CD55: variants seen among roughly 807,000 people sequenced by gnomAD.
The protein encoded by CD55 is complement decay-accelerating factor.
Under a neutral mutation model 45.8 loss-of-function variants are expected in CD55, and 41 were observed. That is an observed-to-expected ratio of 0.90 (90% CI 0.70 to 1.16). The LOEUF (loss-of-function observed/expected upper bound fraction) is 1.16. Ranked by LOEUF, CD55 falls within the 50% of genes most tolerant of loss-of-function variation. CD55 has a pLI of 0.00. For missense variants in CD55, 416 were observed against 469.8 expected, an observed-to-expected ratio of 0.89 and a Z score of 1.06; for synonymous variants, 181 against 181.1, an observed-to-expected ratio of 1.00 and a Z score of 0.01.
chr1:207,334,092 T>C (rs1268246697), intron 6 of CD55, among the ~76,000 whole-genome samples: 1 of 152,060 alleles, frequency 6.6e-6, no homozygotes. Context: ...AAAACCACTT[T>C]AGCAAAAAAT....
chr1:207,339,824 CTT>C (rs1655341422), intron 9 of CD55, among the ~76,000 whole-genome samples: 1 of 152,058 alleles, frequency 6.6e-6, no homozygotes, highest in South Asian at 2.1e-4. Context: ...CCCTGATTAT[CTT>C]ATAATTTTTT....
At chr1:207,352,420 C>T (rs953386736) in intron 9 of CD55, among the ~76,000 whole-genome samples, 1 of 151,970 alleles carries the variant, frequency 6.6e-6, no homozygotes, top group Non-Finnish European at 1.5e-5. Flanking sequence ...CATCAGGTAT[C>T]ACCCCCATTG....
intron 9 of CD55, among the ~76,000 whole-genome samples, chr1:207,358,778 A>T (rs1383404680): frequency 2.6e-5 from 4 of 152,164 alleles, no homozygotes; most frequent in African/African-American, 9.7e-5. Flanking sequence ...AATACATTGA[A>T]TCTCTCATTA....
chr1:207,346,364 C>T (rs555043026), intron 9 of CD55, among the ~76,000 whole-genome samples: 29 of 152,260 alleles, frequency 1.9e-4, no homozygotes, highest in African/African-American at 5.8e-4. Context: ...GAGAGGGTGA[C>T]GCTGGGCCAG....
At chr1:207,335,366 G>A (rs1315026915) in intron 6 of CD55, among the ~76,000 whole-genome samples, 2 of 152,202 alleles carry the variant, frequency 1.3e-5, no homozygotes, top group East Asian at 3.9e-4. Flanking sequence ...ACCCTTTGCT[G>A]GGCTCTAAGC....
At position 207,359,723 on chromosome 1, in the gene CD55, C is replaced by T. The variant is rs1656222501; in HGVS notation, c.*113C>T. ...GCAATTGTGCTCTTCATTTAGGATG[C>T]TTTCATTGTCTTTAAGATGTGTTAG... is the stretch of plus-strand genomic sequence containing the variant. On this transcript the variant is annotated 3_prime_UTR_variant, in exon 10 of 10. Coordinates refer to ENST00000367064, the MANE Select transcript of CD55 (RefSeq NM_000574.5). The T allele has an allele frequency of 3.7e-6, 5 of 1,353,124 alleles. No individual in the cohort carries two copies. The highest frequency in any genetic ancestry group is 3.4e-5 in the South Asian group (2 of 58,876). The allele number at this position is 1,353,124 out of a possible 1,614,324, so 83.8% of individuals were successfully genotyped here. A position where few individuals can be genotyped will look rare whatever the true frequency, so the allele number is the denominator to read the frequency against.
Position 207,322,477 on chromosome 1 carries a change from G to A in CD55, c.196G>A (p.Glu66Lys), listed in dbSNP as rs1654464108. The change falls in exon 2 of 10, where the codon GAA becomes AAA. Residue 66 changes from glutamate (E) to lysine (K), a missense_variant. Coordinates refer to ENST00000367064, the MANE Select transcript of CD55 (RefSeq NM_000574.5). The part of the protein sequence containing the change: ...PEDTVITYKC[E>K]ESFVKIPGEK... ...GGATACTGTAATAACGTACAAATGT[G>A]AAGAAAGCTTTGTGAAAATTCCTGG... is the stretch of plus-strand genomic sequence containing the variant. 6.2e-7 allele frequency: 1 copy of A among 1,614,180 alleles called. No homozygotes were observed. Among genetic ancestry groups the A allele is most frequent in the Non-Finnish European group, 8.5e-7 (1 of 1,179,982 alleles).
At chr1:207,334,136 G>C (rs1507758) in intron 6 of CD55, among the ~76,000 whole-genome samples, 105,197 of 151,942 alleles carry the variant, frequency 0.69, 36,875 homozygotes, top group Middle Eastern at 0.83. Context: ...AAAACCACTC[G>C]TAGCAAAAAC....
intron 9 of CD55, among the ~76,000 whole-genome samples, chr1:207,345,053 T>C (rs907806512): frequency 2.0e-5 from 3 of 152,152 alleles, no homozygotes; most frequent in Non-Finnish European, 4.4e-5. Context: ...CTTGGTGATC[T>C]CTGAGCCTCC....
At chr1:207,356,231 T>G (rs1546431) in intron 9 of CD55, among the ~76,000 whole-genome samples, 42,152 of 152,030 alleles carry the variant, frequency 0.28, 6,107 homozygotes, top group African/African-American at 0.35. Flanking sequence ...TTCTGATGAT[T>G]TTTAAAAATT....
rs1163688048 is a variant in CD55 at position 207,359,720 on chromosome 1, A to G, written c.*110A>G. Reference sequence around the variant, plus strand: ...AATGCAATTGTGCTCTTCATTTAGGATGCTTTCATTGTCTTTAAGATGTGT... The same window carrying G: ...AATGCAATTGTGCTCTTCATTTAGGGTGCTTTCATTGTCTTTAAGATGTGT... On this transcript the variant is annotated 3_prime_UTR_variant, in exon 10 of 10. Coordinates refer to ENST00000367064, the MANE Select transcript of CD55 (RefSeq NM_000574.5). 2 of 1,402,592 alleles carry G rather than the reference A, an allele frequency of 1.4e-6. No individual in the cohort carries two copies. Among genetic ancestry groups the G allele is most frequent in the African/African-American group, 1.5e-5 (1 of 66,052 alleles). The allele number at this position is 1,402,592 out of a possible 1,614,324, so 86.9% of individuals were successfully genotyped here.
rs1432191543 is a variant in CD55, at chr1:207,321,683, T to C, written c.-83T>C. 4.9e-6 allele frequency: 5 copies of C among 1,014,422 alleles called. No individual in the cohort carries two copies. In the African/African-American group the frequency reaches 6.8e-5, roughly 14 times the overall value. The allele number at this position is 1,014,422 out of a possible 1,614,324, so 62.8% of individuals were successfully genotyped here. A position where few individuals can be genotyped will look rare whatever the true frequency, so the allele number is the denominator to read the frequency against. ...ATTGCGGAGCCACGAGGCTTCTGCT[T>C]ACTGCAACTCGCTCCGGCCGCTGGG... On this transcript the variant is annotated 5_prime_UTR_variant, in exon 1 of 10. Coordinates refer to ENST00000367064, the MANE Select transcript of CD55 (RefSeq NM_000574.5).
In CD55 at chr1:207,331,141, A is replaced by G. The variant is rs1171958354; in HGVS notation, c.698A>G (p.Asn233Ser). ...IYCPAPPQID[N>S]GIIQGERDHY... Reference sequence around the variant, plus strand: ...TGTCCAGCACCACCACAAATTGACAATGGAATAATTCAAGGGGAACGTGAC... The same window carrying G: ...TGTCCAGCACCACCACAAATTGACAGTGGAATAATTCAAGGGGAACGTGAC... Residue 233 changes from asparagine to serine, a missense_variant, in exon 6 of 10, where the codon AAT becomes AGT. Asn to Ser is a conservative substitution (Grantham distance 46). Around this residue, in one of 3 missense-constraint regions of CD55, gnomAD observed 182 missense variants for 201.4 expected, o/e 0.90. Transcript: ENST00000367064. 4 of 1,613,170 alleles carry G rather than the reference A, an allele frequency of 2.5e-6. No individual in the cohort carries two copies. Among genetic ancestry groups the G allele is most frequent in the East Asian group, 2.2e-5 (1 of 44,854 alleles).
chr1:207,331,915 G>A (rs1422093896), intron 6 of CD55, among the ~76,000 whole-genome samples: 1 of 152,066 alleles, frequency 6.6e-6, no homozygotes, highest in Non-Finnish European at 1.5e-5. Context: ...ACATTGCCTA[G>A]TATCAATAGG....
At chr1:207,350,075 T>G (rs538825272) in intron 9 of CD55, 1 of 454,284 alleles carries the variant, frequency 2.2e-6, no homozygotes, top group African/African-American at 2.0e-5. Context: ...GAAGGGATGT[T>G]GAATGTTGTC....
At chr1:207,342,285 C>G (rs1416112323) in intron 9 of CD55, among the ~76,000 whole-genome samples, 2 of 151,956 alleles carry the variant, frequency 1.3e-5, no homozygotes, top group Admixed American at 6.6e-5. Flanking sequence ...CTCTATGAGC[C>G]AAATGAAACT....
intron 6 of CD55, among the ~76,000 whole-genome samples, chr1:207,334,727 TA>T (rs1655093930): frequency 6.9e-6 from 1 of 144,614 alleles, no homozygotes; most frequent in African/African-American, 2.6e-5. Context: ...AAAAGAATAA[TA>T]ATGGATATTT....
At chr1:207,337,653 G>T in intron 8 of CD55, 1 of 330,074 alleles carries the variant, frequency 3.0e-6, no homozygotes, top group Non-Finnish European at 5.4e-6. Flanking sequence ...GCTAAATTAA[G>T]ATTGGTAAAA....
intron 9 of CD55, among the ~76,000 whole-genome samples, chr1:207,355,712 A>C (rs921663490): frequency 6.6e-6 from 1 of 152,330 alleles, no homozygotes; most frequent in South Asian, 2.1e-4. Flanking sequence ...TTAACCACAT[A>C]TGTTAATGTT....
Sources: allele counts gnomAD v4.1 joint callset (sites outside exome capture counted in the v4.1 genomes callset), GRCh38; gene constraint gnomAD v4.1.1; regional missense constraint gnomAD v4.1.1; transcripts MANE v1.5; gene names NCBI Gene and HGNC (gene_info 2026-07-23, HGNC 2026-07-21).